Variants in GTPBP4 observed in about 807,000 individuals in gnomAD.
The protein encoded by GTPBP4 is GTP-binding protein 4.
In GTPBP4, 15 loss-of-function variants were observed where a neutral mutation model predicts 81.7. The ratio of observed to expected loss-of-function variants is 0.18; its 90% CI spans 0.12 to 0.28. GTPBP4 has a LOEUF of 0.28. GTPBP4 is among the 10% of genes least tolerant of loss of function. The probability of loss-of-function intolerance (pLI) is 1.00; values close to 1 mark genes in which losing one functional copy is unlikely to be tolerated. For missense variants in GTPBP4, 847 were observed against 793.8 expected, an observed-to-expected ratio of 1.07 and a Z score of -0.81; for synonymous variants, 272 against 274.6, an observed-to-expected ratio of 0.99 and a Z score of 0.09.
chr10:989,638 T>C (rs1205637206), intron 1 of GTPBP4, among the ~76,000 whole-genome samples: 1 of 152,218 alleles, frequency 6.6e-6, no homozygotes. Context: ...TGTGGGAGTC[T>C]CGTATTTTAC....
At chr10:999,774 C>T (rs140550989) in intron 6 of GTPBP4, among the ~76,000 whole-genome samples, 7 of 152,334 alleles carry the variant, frequency 4.6e-5, no homozygotes, top group African/African-American at 1.7e-4. Context: ...GCCTGGCCAA[C>T]ATGGCGAAAC....
intron 8 of GTPBP4, among the ~76,000 whole-genome samples, chr10:1,005,411 T>C (rs1589027749): frequency 6.6e-6 from 1 of 152,222 alleles, no homozygotes; most frequent in East Asian, 1.9e-4. Context: ...TCCCAAAGGC[T>C]GGGATTACAG....
At position 1,017,299 on chromosome 10, in the gene GTPBP4, T is replaced by C. The variant is rs560027587; in HGVS notation, c.*72T>C. 6.5e-4 allele frequency: 881 copies of C among 1,362,654 alleles called. 5 individuals are homozygous for C. Among genetic ancestry groups the C allele is most frequent in the South Asian group, 4.5e-3 (346 of 77,684 alleles). 84.4% of individuals were successfully genotyped at this position (1,362,654 alleles called of 1,614,324 possible). A position where few individuals can be genotyped will look rare whatever the true frequency, so the allele number is the denominator to read the frequency against. On this transcript the variant is annotated 3_prime_UTR_variant, in exon 17 of 17. Coordinates refer to ENST00000360803, the MANE Select transcript of GTPBP4 (RefSeq NM_012341.3). Reference sequence around the variant, plus strand: ...CCTGGTTTGGCACAGTATGGTTTCATGAAATTGGAGCTCTGTATAAACTGA... The same window carrying C: ...CCTGGTTTGGCACAGTATGGTTTCACGAAATTGGAGCTCTGTATAAACTGA...
chr10:999,231 G>A, intron 6 of GTPBP4, 136 bp downstream of exon 6: 1 of 621,760 alleles, frequency 1.6e-6, no homozygotes, highest in South Asian at 1.8e-5. Context: ...TGATTCTCCT[G>A]CCTCAGCCTT....
intron 1 of GTPBP4, among the ~76,000 whole-genome samples, chr10:990,072 T>C (rs1313466860): frequency 6.6e-6 from 1 of 152,190 alleles, no homozygotes; most frequent in Non-Finnish European, 1.5e-5. Context: ...AGTCATGTCT[T>C]ATTTGTATTT....
intron 5 of GTPBP4, among the ~76,000 whole-genome samples, chr10:998,218 G>C (rs1482199983): frequency 3.3e-5 from 5 of 152,048 alleles, no homozygotes; most frequent in Non-Finnish European, 7.4e-5. Context: ...TCCCACCTCA[G>C]CCACCCAAGT....
At chr10:992,855 A>G (rs758623300) in intron 2 of GTPBP4, among the ~76,000 whole-genome samples, 196 bp downstream of exon 2, 168 of 152,228 alleles carry the variant, frequency 1.1e-3, no homozygotes, top group Non-Finnish European at 9.1e-4. Context: ...TTGATTCCCT[A>G]GTATTCTTTC....
At chr10:1,009,321 A>G (rs1377750660) in intron 11 of GTPBP4, among the ~76,000 whole-genome samples, 2 of 152,160 alleles carry the variant, frequency 1.3e-5, no homozygotes, top group Admixed American at 1.3e-4. Flanking sequence ...ACAGACAGGG[A>G]GATAAGAAAC....
chr10:1,003,864 G>T (rs907333092), intron 8 of GTPBP4, among the ~76,000 whole-genome samples: 6 of 152,168 alleles, frequency 3.9e-5, no homozygotes, highest in African/African-American at 9.7e-5. Context: ...CACAGTGCTG[G>T]GTTTCAGCTA....
intron 2 of GTPBP4, among the ~76,000 whole-genome samples, chr10:993,249 TTC>T (rs1247749608): frequency 6.6e-6 from 1 of 152,186 alleles, no homozygotes; most frequent in Non-Finnish European, 1.5e-5. Context: ...GTTTGCCTGT[TTC>T]TTTTTTTCTC....
chr10:998,103 A>G (rs1831564473), intron 5 of GTPBP4, among the ~76,000 whole-genome samples: 1 of 151,770 alleles, frequency 6.6e-6, no homozygotes, highest in Admixed American at 6.6e-5. Flanking sequence ...CTTTTTGTTG[A>G]AACTTTTTCT....
In GTPBP4 at chr10:999,071, G is replaced by A; in HGVS notation, c.630G>A (p.Met210Ile). The A allele has an allele frequency of 1.9e-6, 3 of 1,593,704 alleles. No individual in the cohort carries two copies. The highest frequency in any genetic ancestry group is 2.6e-6 in the Non-Finnish European group (3 of 1,161,456). ...FTTKSLFVGH[M>I]DYKYLRWQVV... ...CCAAGTCTCTGTTTGTTGGGCACATGGATTATAAGTATCTACGTTGGCAGG... is the reference window on the plus strand; with the variant it reads ...CCAAGTCTCTGTTTGTTGGGCACATAGATTATAAGTATCTACGTTGGCAGG... The change falls in exon 6 of 17, where the codon ATG (methionine) becomes ATA (isoleucine). Residue 210 changes from methionine (M) to isoleucine (I), a missense_variant. This residue lies in a region of GTPBP4 where 600 missense variants were observed against 557.1 expected (regional missense o/e 1.08). Transcript: ENST00000360803.
At chr10:1,011,024 AGGCCCTG>A (rs1371599681) in intron 13 of GTPBP4, among the ~76,000 whole-genome samples, 59 of 86,436 alleles carry the variant, frequency 6.8e-4, no homozygotes, top group Admixed American at 2.6e-3. Flanking sequence ...TGTCTCCGCC[AGGCCCTG>A]GATGGGCTCT....
rs1831886932 is a variant in GTPBP4, at chr10:1,012,038, C to A, written c.1345-427C>A. 2.6e-5 allele frequency among the ~76,000 whole-genome samples: 4 copies of A among 152,094 alleles called. No individual in the cohort carries two copies. In the South Asian group the frequency reaches 6.2e-4, roughly 24 times the overall value. On this transcript the variant is annotated intron_variant, in intron 13 of 16. Coordinates refer to ENST00000360803, the MANE Select transcript of GTPBP4 (RefSeq NM_012341.3). ...TGATAAACGTGTGTGTTTTAGTTTT[C>A]ATTTTTGTCTTATTTGTAGCCAGTG...
At chr10:1,000,543 T>A (rs940100591) in intron 6 of GTPBP4, 134 bp from the exon 7 acceptor site, 30 of 451,490 alleles carry the variant, frequency 6.6e-5, no homozygotes, top group Non-Finnish European at 9.8e-5. Flanking sequence ...AGCCCTACTT[T>A]TTTTTTTTTT....
rs1831965629 is a variant in GTPBP4 at position 1,015,465 on chromosome 10, G to GTCCTGAGCGCTGAGCCTGGGAGTGGAC, written c.1609-288_1609-287insTCCTGAGCGCTGAGCCTGGGAGTGGAC. Among the ~76,000 whole-genome samples, 2 of 59,628 alleles carry GTCCTGAGCGCTGAGCCTGGGAGTGGAC rather than the reference G, an allele frequency of 3.4e-5. 1 individual carries two copies. Among genetic ancestry groups the GTCCTGAGCGCTGAGCCTGGGAGTGGAC allele is most frequent in the East Asian group, 8.2e-4 (2 of 2,428 alleles). The allele number at this position is 59,628 out of a possible 152,430, so 39.1% of individuals were successfully genotyped here. ...CCTGAGCGCTGAGCCTGGGAGTGGGGCTGGGGTCCTGAGCGCTGAGCCTGG... is the reference window on the plus strand; with the variant it reads ...CCTGAGCGCTGAGCCTGGGAGTGGGGTCCTGAGCGCTGAGCCTGGGAGTGGACCTGGGGTCCTGAGCGCTGAGCCTGG... On this transcript the variant is annotated intron_variant, in intron 15 of 16. Coordinates refer to ENST00000360803, the MANE Select transcript of GTPBP4 (RefSeq NM_012341.3).
rs763983625 is a variant in GTPBP4, at chr10:1,019,564, C to G, written c.*2337C>G. The G allele has an allele frequency of 6.2e-7, 1 of 1,613,886 alleles. No homozygotes were observed. The highest frequency in any genetic ancestry group is 8.5e-7 in the Non-Finnish European group (1 of 1,179,950). ...AGCTCCACAAACGGGGTCACGTCATCCAGGTGAGGCCACCACCGGTACAGA... is the reference window on the plus strand; with the variant it reads ...AGCTCCACAAACGGGGTCACGTCATGCAGGTGAGGCCACCACCGGTACAGA... On this transcript the variant is annotated 3_prime_UTR_variant, in exon 17 of 17. Coordinates refer to ENST00000360803, the MANE Select transcript of GTPBP4 (RefSeq NM_012341.3).
At chr10:991,797 G>T (rs35249079) in intron 1 of GTPBP4, among the ~76,000 whole-genome samples, 72,676 of 143,908 alleles carry the variant, frequency 0.51, 18,378 homozygotes, top group South Asian at 0.61. Context: ...CCGGGTTCAC[G>T]CCATTCTCCT....
intron 13 of GTPBP4, among the ~76,000 whole-genome samples, chr10:1,011,644 C>T (rs934584025): frequency 1.3e-5 from 2 of 152,242 alleles, no homozygotes; most frequent in African/African-American, 4.8e-5. Flanking sequence ...TTTTCAGTCT[C>T]GTGGTCTCTG....
Sources: gnomAD v4.1 joint callset for allele counts (sites outside exome capture counted in the v4.1 genomes callset) on GRCh38, gnomAD v4.1.1 for gene constraint, gnomAD v4.1.1 regional missense constraint, MANE v1.5 for transcripts, NCBI Gene and HGNC (gene_info 2026-07-23, HGNC 2026-07-21) for gene names.